ERC2: variants seen among roughly 807,000 people sequenced by gnomAD.
ERC2 encodes ERC protein 2.
A neutral mutation model predicts 114.8 loss-of-function variants in ERC2; 42 were observed. The ratio of observed to expected loss-of-function variants is 0.37; its 90% CI spans 0.29 to 0.47. The LOEUF (loss-of-function observed/expected upper bound fraction) is 0.47. ERC2 is among the 20% of genes least tolerant of loss of function. The probability of loss-of-function intolerance (pLI) is 0.99; values close to 1 mark genes in which losing one functional copy is unlikely to be tolerated. For missense variants in ERC2, 939 were observed against 1,150.7 expected, an observed-to-expected ratio of 0.82 and a Z score of 2.66; for synonymous variants, 454 against 425.5, an observed-to-expected ratio of 1.07 and a Z score of -0.82.
chr3:55,523,552 G>A (rs779283432), intron 17 of ERC2, among the ~76,000 whole-genome samples: 1 of 152,084 alleles, frequency 6.6e-6, no homozygotes, highest in Non-Finnish European at 1.5e-5. Flanking sequence ...GCCAAACACC[G>A]TCTTGACAAT....
intron 14 of ERC2, among the ~76,000 whole-genome samples, chr3:55,762,930 T>C (rs1189679011): frequency 6.6e-6 from 1 of 152,204 alleles, no homozygotes; most frequent in African/African-American, 2.4e-5. Context: ...TTAACAACTG[T>C]CTACAGAACA....
At chr3:55,859,722 C>T (rs1016447119) in intron 14 of ERC2, among the ~76,000 whole-genome samples, 4 of 99,304 alleles carry the variant, frequency 4.0e-5, no homozygotes, top group Admixed American at 1.6e-4. Flanking sequence ...TTTAAAGGAA[C>T]GAAGTGTTTG....
At chr3:56,088,074 G>A (rs1361194989) in intron 6 of ERC2, among the ~76,000 whole-genome samples, 1 of 152,080 alleles carries the variant, frequency 6.6e-6, no homozygotes, top group Non-Finnish European at 1.5e-5. Flanking sequence ...AATGTAAGCA[G>A]AAGTGAGGTA....
At position 55,676,213 on chromosome 3, in the gene ERC2, G is replaced by A. The variant is rs546301681; in HGVS notation, c.*39+7581C>T. On this transcript the variant is annotated intron_variant, in intron 17 of 17. Transcript: ENST00000288221. The stretch of plus-strand genomic sequence containing the variant: ...GCTTGGATTACAGGTGTGAGCCAGC[G>A]TGCACAGCCTTTCTTTCCATCTTTC... Among the ~76,000 whole-genome samples, 8 of 151,782 alleles carry A rather than the reference G, an allele frequency of 5.3e-5. No homozygotes were observed. In the South Asian group the frequency reaches 8.3e-4, roughly 16 times the overall value.
chr3:55,983,860 C>G (rs1433396974), intron 12 of ERC2, among the ~76,000 whole-genome samples: 1 of 152,056 alleles, frequency 6.6e-6, no homozygotes, highest in African/African-American at 2.4e-5. Context: ...AGTCAGAGAT[C>G]CTGCATTCAG....
At chr3:56,139,339 C>A (rs961024092) in intron 6 of ERC2, among the ~76,000 whole-genome samples, 170 bp downstream of exon 6, 4 of 152,168 alleles carry the variant, frequency 2.6e-5, no homozygotes, top group South Asian at 2.1e-4. Flanking sequence ...CAGTGTTACA[C>A]AATCTATACA....
intron 14 of ERC2, among the ~76,000 whole-genome samples, chr3:55,871,134 A>G (rs60417920): frequency 1.7e-3 from 258 of 152,342 alleles, no homozygotes; most frequent in African/African-American, 5.9e-3. Context: ...GTGGTGTCAA[A>G]GTTGGATGTA....
chr3:55,619,959 A>G (rs1259825601), intron 17 of ERC2, among the ~76,000 whole-genome samples: 1 of 152,180 alleles, frequency 6.6e-6, no homozygotes, highest in African/African-American at 2.4e-5. Context: ...TCTTTGAAGG[A>G]TTGCTCTCAA....
At chr3:55,794,646 T>C (rs1372395307) in intron 14 of ERC2, among the ~76,000 whole-genome samples, 1 of 152,242 alleles carries the variant, frequency 6.6e-6, no homozygotes. Flanking sequence ...TTTGTCTTTC[T>C]CTTTGGGGAT....
At chr3:56,109,212 C>T (rs1037166999) in intron 6 of ERC2, among the ~76,000 whole-genome samples, 5 of 151,998 alleles carry the variant, frequency 3.3e-5, no homozygotes, top group South Asian at 4.1e-4. Flanking sequence ...CCAGCATCTG[C>T]GGTTCCCCTC....
chr3:55,656,824 A>T (rs1360916138), intron 17 of ERC2, among the ~76,000 whole-genome samples: 3 of 40,074 alleles, frequency 7.5e-5, no homozygotes, highest in African/African-American at 1.3e-4. Flanking sequence ...CTTCCCATAG[A>T]CACGGCCTCT....
chr3:56,273,417 C>T (rs963891554), intron 3 of ERC2, among the ~76,000 whole-genome samples: 1 of 151,742 alleles, frequency 6.6e-6, no homozygotes, highest in African/African-American at 2.4e-5. Context: ...CCATACCCAG[C>T]TAATTTTTGT....
intron 7 of ERC2, among the ~76,000 whole-genome samples, chr3:56,072,728 A>G (rs541883467): frequency 1.3e-5 from 2 of 152,308 alleles, no homozygotes; most frequent in Non-Finnish European, 2.9e-5. Flanking sequence ...TCAGTCAGGA[A>G]AAAAAGTCAT....
chr3:56,392,722 T>C (rs1304488140), intron 2 of ERC2, among the ~76,000 whole-genome samples: 1 of 152,196 alleles, frequency 6.6e-6, no homozygotes, highest in Non-Finnish European at 1.5e-5. Flanking sequence ...ACATGACTTT[T>C]ATACAAAGTT....
At chr3:55,728,579 T>G (rs934925673) in intron 15 of ERC2, among the ~76,000 whole-genome samples, 1 of 152,096 alleles carries the variant, frequency 6.6e-6, no homozygotes, top group African/African-American at 2.4e-5. Flanking sequence ...TGGGAAGGGT[T>G]TTCAGCAGTA....
At chr3:55,740,328 C>A (rs1197395533) in intron 14 of ERC2, among the ~76,000 whole-genome samples, 2 of 151,992 alleles carry the variant, frequency 1.3e-5, no homozygotes, top group African/African-American at 4.8e-5. Context: ...CTCTTTGTAA[C>A]CTTCTCCTTA....
chr3:55,738,561 GCA>G (rs1048918832), intron 14 of ERC2, among the ~76,000 whole-genome samples: 2 of 151,720 alleles, frequency 1.3e-5, no homozygotes, highest in Admixed American at 6.6e-5. Context: ...GCACAGATAG[GCA>G]CACACACATA....
chr3:55,534,846 C>G (rs1017154508), intron 17 of ERC2, among the ~76,000 whole-genome samples: 1 of 152,206 alleles, frequency 6.6e-6, no homozygotes, highest in East Asian at 1.9e-4. Flanking sequence ...GTTCCCCAGT[C>G]ATTTCAAAAC....
chr3:55,955,897 T>C (rs576084256), intron 12 of ERC2, among the ~76,000 whole-genome samples: 1 of 152,234 alleles, frequency 6.6e-6, no homozygotes, highest in East Asian at 1.9e-4. Flanking sequence ...CTGCCATTTC[T>C]AGCTGCGTGG....
Sources: allele counts gnomAD v4.1 joint callset (sites outside exome capture counted in the v4.1 genomes callset), GRCh38; gene constraint gnomAD v4.1.1; transcripts MANE v1.5; gene names NCBI Gene and HGNC (gene_info 2026-07-23, HGNC 2026-07-21).